The following ZMIZ1 variants were observed in gnomAD, a reference collection of about 807,000 sequenced individuals.
ZMIZ1 encodes zinc finger MIZ domain-containing protein 1.
ZMIZ1 carries 17 observed loss-of-function variants against 113.9 expected under a neutral mutation model. The ratio of observed to expected loss-of-function variants is 0.15; its 90% CI spans 0.10 to 0.22. The LOEUF (loss-of-function observed/expected upper bound fraction) is 0.22. ZMIZ1 is among the 10% of genes least tolerant of loss of function. The pLI, the probability that ZMIZ1 is intolerant of heterozygous loss-of-function variation, is 1.00. For synonymous variants in ZMIZ1, 607 were observed against 603.1 expected, an observed-to-expected ratio of 1.01 and a Z score of -0.09; for missense variants, 1,059 against 1,477.8, an observed-to-expected ratio of 0.72 and a Z score of 4.65.
intron 12 of ZMIZ1, 90 bp downstream of exon 12, chr10:79,293,743 G>A (rs768018241): frequency 6.3e-7 from 1 of 1,588,314 alleles, no homozygotes; most frequent in Non-Finnish European, 8.6e-7. Context: ...GAAGGGGTGT[G>A]GCTTGGACTC....
chr10:79,271,177 G>A (rs1342365276), intron 7 of ZMIZ1, among the ~76,000 whole-genome samples: 1 of 152,228 alleles, frequency 6.6e-6, no homozygotes, highest in Non-Finnish European at 1.5e-5. Context: ...CCATCTCCAT[G>A]AACTTCTGGA....
At chr10:79,253,451 G>T (rs1439825836) in intron 7 of ZMIZ1, among the ~76,000 whole-genome samples, 2 of 152,178 alleles carry the variant, frequency 1.3e-5, no homozygotes, top group Non-Finnish European at 2.9e-5. Flanking sequence ...ACGGGTACCT[G>T]CACTGTCCCT....
intron 1 of ZMIZ1, among the ~76,000 whole-genome samples, chr10:79,106,306 C>G (rs1257630114): frequency 1.3e-5 from 2 of 152,252 alleles, no homozygotes; most frequent in African/African-American, 4.8e-5. Flanking sequence ...ACAGGGACAT[C>G]AAGTGCTGTA....
At chr10:79,094,032 C>T (rs970175736) in intron 1 of ZMIZ1, among the ~76,000 whole-genome samples, 3 of 152,180 alleles carry the variant, frequency 2.0e-5, no homozygotes, top group Non-Finnish European at 4.4e-5. Context: ...AACAGTCGAC[C>T]GAGGGCATTG....
At chr10:79,281,771 T>C (rs1439003271) in intron 8 of ZMIZ1, among the ~76,000 whole-genome samples, 1 of 152,196 alleles carries the variant, frequency 6.6e-6, no homozygotes, top group East Asian at 1.9e-4. Flanking sequence ...TCCCACACTT[T>C]GAATGGCAGA....
Position 79,144,078 on chromosome 10 carries a change from C to T in ZMIZ1, c.-131+4301C>T, listed in dbSNP as rs1037313064. Among the ~76,000 whole-genome samples, 7 of 152,120 alleles carry T rather than the reference C, an allele frequency of 4.6e-5. 1 individual carries two copies. In the South Asian group the frequency reaches 1.0e-3, roughly 23 times the overall value. On this transcript the variant is annotated intron_variant, in intron 3 of 24. Transcript: ENST00000334512. ...GTGGCAGAGCGGTGGCAGGAGGCTT[C>T]GGGTAATCTCATTAGTGTGCCCGGC...
At chr10:79,266,025 A>T (rs981373386) in intron 7 of ZMIZ1, among the ~76,000 whole-genome samples, 10 of 152,228 alleles carry the variant, frequency 6.6e-5, no homozygotes, top group Non-Finnish European at 1.5e-4. Context: ...TGCAAGATTG[A>T]GAAGAAGTCA....
At chr10:79,305,410 T>C (rs770904579) in intron 20 of ZMIZ1, 123 bp from the exon 21 acceptor site, 1 of 1,262,774 alleles carries the variant, frequency 7.9e-7, no homozygotes, top group South Asian at 1.2e-5. Context: ...AGTCCCCCTC[T>C]CTTGTGCCTC....
intron 7 of ZMIZ1, among the ~76,000 whole-genome samples, chr10:79,217,718 AGTC>A (rs1199678730): frequency 6.6e-6 from 1 of 152,192 alleles, no homozygotes; most frequent in Non-Finnish European, 1.5e-5. Context: ...GTATGTTTCC[AGTC>A]TGCACACATG....
chr10:79,120,377 A>G (rs11002830), intron 2 of ZMIZ1, among the ~76,000 whole-genome samples: 8,057 of 152,280 alleles, frequency 0.053, 319 homozygotes, highest in East Asian at 0.18. Flanking sequence ...CTGCATATCC[A>G]TGCACACACA....
chr10:79,292,269 A>G lies in ZMIZ1; in HGVS notation c.870A>G (p.Ala290=), dbSNP rs1853547752. 3 of 1,611,562 alleles carry G rather than the reference A, an allele frequency of 1.9e-6. No individual in the cohort carries two copies. The highest frequency in any genetic ancestry group is 2.5e-6 in the Non-Finnish European group (3 of 1,179,364). Residue 290 remains alanine, a synonymous_variant, in exon 11 of 25, where the codon GCA becomes GCG. Transcript: ENST00000334512. The part of the protein sequence containing the change: ...AAAAAAAAVA[A]AAATATATAT... ...CCGCTGCAGCAGCGGCAGTGGCAGC[A>G]GCAGCAGCCACAGCTACAGCCACAG...
At chr10:79,284,348 T>C (rs1363364705) in intron 8 of ZMIZ1, among the ~76,000 whole-genome samples, 1 of 152,186 alleles carries the variant, frequency 6.6e-6, no homozygotes, top group Admixed American at 6.5e-5. Context: ...GTATGCAGGC[T>C]GGGCTTTGAA....
rs570471977 is a variant in ZMIZ1 at position 79,112,614 on chromosome 10, G to A, written c.-336-6301G>A. On this transcript the variant is annotated intron_variant, in intron 1 of 24. Coordinates refer to ENST00000334512, the MANE Select transcript of ZMIZ1 (RefSeq NM_020338.4). Reference sequence around the variant, plus strand: ...GAGGGGAGCAGACGAGGCCCAGAGAGGGGAAGGTTGATGGCAGAGCCCAGG... The same window carrying A: ...GAGGGGAGCAGACGAGGCCCAGAGAAGGGAAGGTTGATGGCAGAGCCCAGG... Among the ~76,000 whole-genome samples, 197 of 152,266 alleles carry A rather than the reference G, an allele frequency of 1.3e-3. 1 individual carries two copies. The highest frequency in any genetic ancestry group is 6.8e-3 in the Middle Eastern group (2 of 294).
chr10:79,290,871 T>G, intron 9 of ZMIZ1, 88 bp from the exon 10 acceptor site: 20 of 1,465,272 alleles, frequency 1.4e-5, no homozygotes, highest in Non-Finnish European at 1.7e-5. Context: ...ACTTTGTTCT[T>G]TCTCCCTTTC....
intron 4 of ZMIZ1, among the ~76,000 whole-genome samples, chr10:79,179,293 CTCTGTCTGGGT>C (rs1847008827): frequency 6.6e-6 from 1 of 152,210 alleles, no homozygotes; most frequent in East Asian, 1.9e-4. Context: ...AGAACAGGGG[CTCTGTCTGGGT>C]TCTGTCTGGA....
At chr10:79,304,698 G>A (rs1206899688) in intron 19 of ZMIZ1, among the ~76,000 whole-genome samples, 3 of 152,210 alleles carry the variant, frequency 2.0e-5, no homozygotes, top group Admixed American at 2.0e-4. Context: ...TGGTCCTGAG[G>A]GTGCAGTGGG....
Position 79,312,642 on chromosome 10 carries a change from C to T in ZMIZ1, c.3097C>T (p.Leu1033Phe). ...ASDMPEPSLD[L>F]LPELTNPDEL... is the part of the protein sequence containing the mutation. Reference sequence around the variant, plus strand: ...AACTTCATTACTCCTTCTTTTCCAGCTCCTTCCCGAACTCACAAATCCTGA... The same window carrying T: ...AACTTCATTACTCCTTCTTTTCCAGTTCCTTCCCGAACTCACAAATCCTGA... Residue 1033 changes from leucine (L) to phenylalanine (F), a missense_variant and splice_region_variant, in exon 25 of 25, where the codon CTC (leucine) becomes TTC (phenylalanine). Physicochemically the swap from Leu to Phe is conservative, Grantham distance 22. Coordinates refer to ENST00000334512, the MANE Select transcript of ZMIZ1 (RefSeq NM_020338.4). 3 of 1,614,196 alleles carry T rather than the reference C, an allele frequency of 1.9e-6. No homozygotes were observed. The highest frequency in any genetic ancestry group is 1.1e-5 in the South Asian group (1 of 91,080).
intron 2 of ZMIZ1, among the ~76,000 whole-genome samples, chr10:79,136,416 T>G (rs2132395125): frequency 6.6e-6 from 1 of 152,348 alleles, no homozygotes; most frequent in South Asian, 2.1e-4. Context: ...GGCCCCTGTT[T>G]CCTGCCGAGA....
At chr10:79,178,323 C>T (rs568949616) in intron 4 of ZMIZ1, among the ~76,000 whole-genome samples, 1 of 152,352 alleles carries the variant, frequency 6.6e-6, no homozygotes, top group East Asian at 1.9e-4. Context: ...CAGGTGTGGC[C>T]ACGCAGTCCC....
Sources: gnomAD v4.1 joint callset for allele counts (sites outside exome capture counted in the v4.1 genomes callset) on GRCh38, gnomAD v4.1.1 for gene constraint, MANE v1.5 for transcripts, NCBI Gene and HGNC (gene_info 2026-07-23, HGNC 2026-07-21) for gene names.